Variants in SNX29 observed in about 807,000 individuals in gnomAD.
SNX29 encodes the protein sorting nexin 29.
Under a neutral mutation model 102.1 loss-of-function variants are expected in SNX29, and 78 were observed. The ratio of observed to expected loss-of-function variants is 0.76; its 90% CI spans 0.64 to 0.92. The LOEUF (loss-of-function observed/expected upper bound fraction) is 0.92. Among genes scored for constraint, SNX29 ranks in the 40% least tolerant of loss-of-function variants. SNX29 has a pLI of 0.00. For synonymous variants in SNX29, 580 were observed against 414.5 expected, an observed-to-expected ratio of 1.40 and a Z score of -4.85; for missense variants, 1,280 against 1,061.7, an observed-to-expected ratio of 1.21 and a Z score of -2.86.
At chr16:12,301,795 C>T (rs926817158) in intron 15 of SNX29, among the ~76,000 whole-genome samples, 7 of 152,138 alleles carry the variant, frequency 4.6e-5, no homozygotes, top group Non-Finnish European at 8.8e-5. Flanking sequence ...GGACTCTAGT[C>T]GCGGTTTGCC....
chr16:12,285,355 C>G (rs934707506), intron 15 of SNX29, among the ~76,000 whole-genome samples: 1 of 152,162 alleles, frequency 6.6e-6, no homozygotes, highest in African/African-American at 2.4e-5. Context: ...TTACTCCCTT[C>G]CATATGGCAG....
At chr16:12,494,798 C>A (rs2088729667) in intron 19 of SNX29, among the ~76,000 whole-genome samples, 1 of 152,188 alleles carries the variant, frequency 6.6e-6, no homozygotes, top group African/African-American at 2.4e-5. Flanking sequence ...CACAGAGGAG[C>A]CTTTGATGCT....
intron 20 of SNX29, among the ~76,000 whole-genome samples, 165 bp from the exon 21 acceptor site, chr16:12,568,341 G>C (rs559049401): frequency 6.6e-6 from 1 of 151,282 alleles, no homozygotes; most frequent in Non-Finnish European, 1.5e-5. Flanking sequence ...GTGACAATAG[G>C]GGTTTCTCAT....
At chr16:12,275,805 A>C (rs1278827730) in intron 14 of SNX29, among the ~76,000 whole-genome samples, 3 of 151,162 alleles carry the variant, frequency 2.0e-5, no homozygotes, top group Non-Finnish European at 4.4e-5. Flanking sequence ...ATATTATGAT[A>C]GATGTATACA....
intron 14 of SNX29, among the ~76,000 whole-genome samples, chr16:12,257,992 C>T (rs917962844): frequency 6.6e-6 from 1 of 152,194 alleles, no homozygotes; most frequent in African/African-American, 2.4e-5. Flanking sequence ...TCACTGCTAT[C>T]GCCTGGGTCA....
chr16:12,554,776 C>G (rs928517385), intron 20 of SNX29, among the ~76,000 whole-genome samples: 2 of 152,150 alleles, frequency 1.3e-5, no homozygotes, highest in Non-Finnish European at 1.5e-5. Flanking sequence ...TCTCCCCCGC[C>G]ATAGAATGCA....
intron 18 of SNX29, among the ~76,000 whole-genome samples, chr16:12,411,610 G>A (rs1188740409): frequency 6.6e-6 from 1 of 152,316 alleles, no homozygotes; most frequent in South Asian, 2.1e-4. Context: ...TGTTGATCAA[G>A]GTTCTGCTAT....
intron 11 of SNX29, among the ~76,000 whole-genome samples, chr16:12,104,322 G>A (rs540103600): frequency 1.3e-5 from 2 of 152,114 alleles, no homozygotes; most frequent in Admixed American, 6.5e-5. Context: ...TTGGGAGGCC[G>A]AGATGGGCAG....
intron 15 of SNX29, among the ~76,000 whole-genome samples, chr16:12,317,631 T>C (rs1295885902): frequency 6.6e-6 from 1 of 152,244 alleles, no homozygotes; most frequent in African/African-American, 2.4e-5. Flanking sequence ...GAGCAATTCA[T>C]TGTGCATTTA....
At chr16:12,169,339 C>A (rs955865271) in intron 13 of SNX29, among the ~76,000 whole-genome samples, 1 of 152,282 alleles carries the variant, frequency 6.6e-6, no homozygotes, top group African/African-American at 2.4e-5. Context: ...GGCTGTGACA[C>A]TGAAACAAGC....
intron 20 of SNX29, among the ~76,000 whole-genome samples, chr16:12,556,017 C>G (rs951982597): frequency 6.6e-6 from 1 of 152,164 alleles, no homozygotes; most frequent in Admixed American, 6.5e-5. Flanking sequence ...CCTGTGGACT[C>G]ATGCCATGCC....
At chr16:12,568,481 C>G in intron 20 of SNX29, 25 bp from the exon 21 acceptor site, 3 of 1,607,906 alleles carry the variant, frequency 1.9e-6, no homozygotes, top group Non-Finnish European at 2.5e-6. Flanking sequence ...CCAGACTTAA[C>G]CCGATTCTCT....
rs1446279601 is a variant in SNX29 at position 12,573,446 on chromosome 16, G to A, written c.*4817G>A. 4 of 224,062 alleles carry A rather than the reference G, an allele frequency of 1.8e-5. No individual in the cohort carries two copies. The highest frequency in any genetic ancestry group is 4.4e-5 in the African/African-American group (2 of 44,960). The allele number at this position is 224,062 out of a possible 1,614,324, so 13.9% of individuals were successfully genotyped here. A position where few individuals can be genotyped will look rare whatever the true frequency, so the allele number is the denominator to read the frequency against. The stretch of plus-strand genomic sequence containing the variant: ...CTGGCTTCCTTAATAAGATAGTTGA[G>A]CCTATGACATTAAGGAGCAGCGCTG... On this transcript the variant is annotated 3_prime_UTR_variant, in exon 21 of 21. Coordinates refer to ENST00000566228, the MANE Select transcript of SNX29 (RefSeq NM_032167.5).
chr16:12,547,753 G>A (rs1379600729), intron 20 of SNX29, among the ~76,000 whole-genome samples: 2 of 152,152 alleles, frequency 1.3e-5, no homozygotes, highest in East Asian at 3.9e-4. Context: ...CTCCTCCTGT[G>A]AAGCTGCAGC....
At chr16:12,416,800 G>C (rs2151568862) in intron 18 of SNX29, among the ~76,000 whole-genome samples, 1 of 152,298 alleles carries the variant, frequency 6.6e-6, no homozygotes, top group East Asian at 1.9e-4. Flanking sequence ...AACAGAACAA[G>C]AAGTCACTCA....
At chr16:12,247,178 G>T (rs112137965) in intron 14 of SNX29, among the ~76,000 whole-genome samples, 1 of 152,126 alleles carries the variant, frequency 6.6e-6, no homozygotes, top group African/African-American at 2.4e-5. Context: ...GGCAGAGGCC[G>T]GTATGGGGTG....
At chr16:12,410,661 T>G (rs573148112) in intron 18 of SNX29, among the ~76,000 whole-genome samples, 26 of 152,172 alleles carry the variant, frequency 1.7e-4, no homozygotes, top group African/African-American at 6.3e-4. Context: ...CTGTAACTCC[T>G]GGTCTCAAGT....
At chr16:12,460,588 A>G (rs930965949) in intron 18 of SNX29, among the ~76,000 whole-genome samples, 2 of 151,038 alleles carry the variant, frequency 1.3e-5, no homozygotes, top group Admixed American at 6.6e-5. Context: ...GTGCATCCCT[A>G]TGCCATAACA....
intron 13 of SNX29, among the ~76,000 whole-genome samples, chr16:12,130,115 C>G (rs576375042): frequency 2.1e-5 from 3 of 143,582 alleles, no homozygotes; most frequent in Admixed American, 1.4e-4. Context: ...AAAACAAAAA[C>G]AAACAACAAC....
Sources: gnomAD v4.1 joint callset for allele counts (sites outside exome capture counted in the v4.1 genomes callset) on GRCh38, gnomAD v4.1.1 for gene constraint, MANE v1.5 for transcripts, NCBI Gene and HGNC (gene_info 2026-07-23, HGNC 2026-07-21) for gene names.